The following KCNAB2 variants were observed in gnomAD, a reference collection of about 807,000 sequenced individuals.
The protein encoded by KCNAB2 is potassium voltage-gated channel subfamily A regulatory beta subunit 2, also known as voltage-gated potassium channel subunit beta-2.
In KCNAB2, 29 loss-of-function variants were observed where a neutral mutation model predicts 63.6. The ratio of observed to expected loss-of-function variants is 0.46; its 90% CI spans 0.34 to 0.62. KCNAB2 has a LOEUF of 0.62. Among genes scored for constraint, KCNAB2 ranks in the 20% least tolerant of loss-of-function variants. The pLI is 0.01. For missense variants in KCNAB2, 359 were observed against 563.9 expected (o/e 0.64, Z 3.68); for synonymous variants, 222 against 224.2 (o/e 0.99, Z 0.09).
chr1:6,013,388 C>A (rs1283504040), intron 1 of KCNAB2, among the ~76,000 whole-genome samples: 1 of 152,104 alleles, frequency 6.6e-6, no homozygotes, highest in Non-Finnish European at 1.5e-5. Flanking sequence ...TGAGCAGGAA[C>A]CCCAAGGAAC....
chr1:6,038,776 T>C (rs1275805387), intron 1 of KCNAB2, among the ~76,000 whole-genome samples: 1 of 152,220 alleles, frequency 6.6e-6, no homozygotes, highest in Non-Finnish European at 1.5e-5. Context: ...GGGAGGTCAC[T>C]GTTCTGGGGA....
At chr1:6,060,901 CAAAAAAAAAAA>C (rs58592769) in intron 2 of KCNAB2, among the ~76,000 whole-genome samples, 2 of 85,198 alleles carry the variant, frequency 2.3e-5, no homozygotes, top group Non-Finnish European at 5.1e-5. Flanking sequence ...GACTCCGTCT[CAAAAAAAAAAA>C]AAAAAAAAAA....
In KCNAB2 at chr1:6,028,713, A is replaced by G. The variant is rs191804252; in HGVS notation, c.-52-11804A>G. ...CAGAGGTGAATCTGGGGGAGAGTCC[A>G]TCGTTGGTGTTGCTCCACTGACCTC... On this transcript the variant is annotated intron_variant, in intron 1 of 16. Transcript: ENST00000341524. This position sits in a 1 kb window ranked among gnomAD's most constrained non-coding sequence, Gnocchi z 4.0. Among the ~76,000 whole-genome samples the G allele has an allele frequency of 1.3e-5, 2 of 152,348 alleles. No individual in the cohort carries two copies. The highest frequency in any genetic ancestry group is 4.8e-5 in the African/African-American group (2 of 41,574).
rs536098714 is a variant in KCNAB2, at chr1:6,057,595, G to A, written c.218+5841G>A. On this transcript the variant is annotated intron_variant, in intron 2 of 15. Transcript: ENST00000378083. The stretch of plus-strand genomic sequence containing the variant: ...CCTGTTTTACTTTCCTGAGGCTGCT[G>A]TAACAAGCTGGGTGGTTTACAACAG... Among the ~76,000 whole-genome samples, 56 of 152,346 alleles carry A rather than the reference G, an allele frequency of 3.7e-4. 1 individual carries two copies. The highest frequency in any genetic ancestry group is 1.0e-3 in the African/African-American group (43 of 41,586).
At chr1:6,091,851 C>G (rs1665216247) in intron 10 of KCNAB2, among the ~76,000 whole-genome samples, 1 of 152,210 alleles carries the variant, frequency 6.6e-6, no homozygotes, top group Non-Finnish European at 1.5e-5. Context: ...GCTGCGTGTC[C>G]CCTCTCACCA....
At position 6,090,737 on chromosome 1, in the gene KCNAB2, C is replaced by T. The variant is rs994349534; in HGVS notation, c.601+262C>T. On this transcript the variant is annotated intron_variant, in intron 9 of 15. Transcript: ENST00000378083. ...TCCTGGCTTTGGACCCAGGCCGATC[C>T]GCCCTCCGAGTCAGAGCCGCAGTGG... is the stretch of plus-strand genomic sequence containing the variant. Among the ~76,000 whole-genome samples, 36 of 152,296 alleles carry T rather than the reference C, an allele frequency of 2.4e-4. 1 individual carries two copies. Among genetic ancestry groups the T allele is most frequent in the Non-Finnish European group, 3.7e-4 (25 of 68,012 alleles).
Position 6,099,772 on chromosome 1 carries a change from C to A in KCNAB2, c.*1198C>A. The A allele has an allele frequency of 6.8e-7, 1 of 1,466,438 alleles. No individual in the cohort carries two copies. The highest frequency in any genetic ancestry group is 9.0e-7 in the Non-Finnish European group (1 of 1,107,460). 90.8% of individuals were successfully genotyped at this position (1,466,438 alleles called of 1,614,324 possible). ...CTCAGGGAACCTCTCCCTGGAAAGA[C>A]GGGCAGGGCTGGTTAGCCCCTCCCA... On this transcript the variant is annotated 3_prime_UTR_variant, in exon 16 of 16. Coordinates refer to ENST00000378083, the MANE Select transcript of KCNAB2 (RefSeq NM_001199862.2).
intron 1 of KCNAB2, among the ~76,000 whole-genome samples, chr1:6,010,077 A>G (rs558698570): frequency 6.6e-6 from 1 of 152,112 alleles, no homozygotes; most frequent in East Asian, 1.9e-4. Flanking sequence ...CGGTTTCACC[A>G]CGTTGGCCAG....
intron 4 of KCNAB2, among the ~76,000 whole-genome samples, chr1:6,077,172 C>A (rs1022355953): frequency 1.3e-5 from 2 of 149,962 alleles, no homozygotes; most frequent in Non-Finnish European, 3.0e-5. Context: ...GATGACAGAG[C>A]GACACTCCAT....
At chr1:6,043,587 G>T (rs954841386), upstream of KCNAB2, among the ~76,000 whole-genome samples, 2 of 152,188 alleles carry the variant, frequency 1.3e-5, no homozygotes, top group African/African-American at 4.8e-5. Context: ...TCTTGTGGGG[G>T]CTCTGGAGAT....
rs1664699392 is a variant in KCNAB2, at chr1:6,086,409, G to A, written c.426-1058G>A. 1.0e-6 allele frequency: 1 copy of A among 982,622 alleles called. No homozygotes were observed. The highest frequency in any genetic ancestry group is 1.2e-6 in the Non-Finnish European group (1 of 827,392). 60.9% of individuals were successfully genotyped at this position (982,622 alleles called of 1,614,324 possible). Reference sequence around the variant, plus strand: ...GTCTTTGGCGAATGTGCATGGAGGTGGTGTGGGGTGATCCCCCTTCCTGGA... The same window carrying A: ...GTCTTTGGCGAATGTGCATGGAGGTAGTGTGGGGTGATCCCCCTTCCTGGA... On this transcript the variant is annotated intron_variant, in intron 6 of 15. Transcript: ENST00000378083. The surrounding 1 kb of genome is among the most constrained non-coding windows in gnomAD (Gnocchi z 4.2).
At chr1:6,064,157 G>A (rs982519606) in intron 2 of KCNAB2, among the ~76,000 whole-genome samples, 5 of 152,238 alleles carry the variant, frequency 3.3e-5, no homozygotes, top group Admixed American at 6.5e-5. Context: ...AGCATGCGTA[G>A]CACCACTTGA....
intron 2 of KCNAB2, among the ~76,000 whole-genome samples, chr1:6,055,034 CA>C (rs1553124748): frequency 6.6e-6 from 1 of 152,136 alleles, no homozygotes; most frequent in Non-Finnish European, 1.5e-5. Context: ...CCTGCCCCAA[CA>C]GGAGCCACGA....
chr1:6,059,450 A>G (rs1470765779), intron 2 of KCNAB2, among the ~76,000 whole-genome samples: 1 of 152,120 alleles, frequency 6.6e-6, no homozygotes, highest in African/African-American at 2.4e-5. Context: ...TTGGCCTCCC[A>G]AAGTGCTGAG....
At chr1:6,061,329 G>C (rs2100591684) in intron 2 of KCNAB2, among the ~76,000 whole-genome samples, 1 of 152,296 alleles carries the variant, frequency 6.6e-6, no homozygotes, top group Admixed American at 6.5e-5. Flanking sequence ...CACTGGGCCG[G>C]GCGGTGGCTC....
At chr1:6,097,206 G>A (rs1349132218) in intron 14 of KCNAB2, 63 bp from the exon 15 acceptor site, 2 of 1,481,848 alleles carry the variant, frequency 1.3e-6, no homozygotes, top group Admixed American at 2.2e-5. Flanking sequence ...CAGAGGCAAG[G>A]CAGACCCATC....
In KCNAB2 at chr1:6,100,748, CACACCCATCTACAGGGAGGAT is replaced by C. The variant is rs1366247588; in HGVS notation, c.*2175_*2195del. ...TGGTTCCTGGATGTCCTGCTTGCTC[CACACCCATCTACAGGGAGGAT>C]GTGAGGGGGCTCTGCCTCCTAGGGC... On this transcript the variant is annotated 3_prime_UTR_variant, in exon 16 of 16. Coordinates refer to ENST00000378083, the MANE Select transcript of KCNAB2 (RefSeq NM_001199862.2). The C allele has an allele frequency of 6.6e-6, 1 of 152,368 alleles. No homozygotes were observed. The highest frequency in any genetic ancestry group is 1.5e-5 in the Non-Finnish European group (1 of 68,130). The allele number at this position is 152,368 out of a possible 1,614,324, so 9.4% of individuals were successfully genotyped here.
chr1:6,056,656 G>T (rs1226052071), intron 2 of KCNAB2, among the ~76,000 whole-genome samples: 1 of 152,186 alleles, frequency 6.6e-6, no homozygotes, highest in Non-Finnish European at 1.5e-5. Flanking sequence ...CGTGGCCCTA[G>T]CCTGCCTCCT....
Position 6,087,420 on chromosome 1 carries a change from C to G in KCNAB2, c.426-47C>G. ...GACGTCGGGGATGAAGGAGGACCCC[C>G]CAGGGGCCGGGCTTATCACACCCCT... On this transcript the variant is annotated intron_variant, in intron 6 of 15. Transcript: ENST00000378083. This position sits in a 1 kb window ranked among gnomAD's most constrained non-coding sequence, Gnocchi z 6.4. 1 of 1,604,904 alleles carries G rather than the reference C, an allele frequency of 6.2e-7. No homozygotes were observed. Among genetic ancestry groups the G allele is most frequent in the Non-Finnish European group, 8.5e-7 (1 of 1,171,612 alleles).
Sources: gnomAD v4.1 joint callset for allele counts (sites outside exome capture counted in the v4.1 genomes callset) on GRCh38, gnomAD v4.1.1 for gene constraint, Gnocchi (gnomAD v3.1) non-coding constraint, MANE v1.5 for transcripts, NCBI Gene and HGNC (gene_info 2026-07-23, HGNC 2026-07-21) for gene names.